The following FAM76B variants were observed in gnomAD, a reference collection of about 807,000 sequenced individuals.
The protein encoded by FAM76B is protein FAM76B.
FAM76B carries 16 observed loss-of-function variants against 51.8 expected under a neutral mutation model. The observed-to-expected ratio is 0.31, with a 90% CI of 0.21 to 0.47. The LOEUF (loss-of-function observed/expected upper bound fraction) is 0.47. Ranked by LOEUF, FAM76B falls within the 20% of genes least tolerant of loss-of-function variation. FAM76B has a pLI of 1.00. For missense variants in FAM76B, 342 were observed against 392.6 expected, an observed-to-expected ratio of 0.87 and a Z score of 1.09; for synonymous variants, 166 against 129.5, an observed-to-expected ratio of 1.28 and a Z score of -1.91.
Position 95,779,823 on chromosome 11 carries a change from T to A in FAM76B, c.611+56A>T, listed in dbSNP as rs912266010. On this transcript the variant is annotated intron_variant, in intron 6 of 9. Coordinates refer to ENST00000358780, the MANE Select transcript of FAM76B (RefSeq NM_144664.5). ...CTTAAGTAACAAAGTTGAAGGGATA[T>A]CACATTTATAAATATACATTTCAAA... 2.6e-6 allele frequency: 4 copies of A among 1,567,084 alleles called. No individual in the cohort carries two copies. In the African/African-American group the frequency reaches 5.5e-5, roughly 22 times the overall value.
chr11:95,772,571 G>A lies in FAM76B; in HGVS notation c.931-921C>T, dbSNP rs902817465. 2.0e-5 allele frequency among the ~76,000 whole-genome samples: 3 copies of A among 151,104 alleles called. No individual in the cohort carries two copies. In the South Asian group the frequency reaches 6.2e-4, roughly 31 times the overall value. Reference sequence around the variant, plus strand: ...CAAAATGGGGAAAGTGATGAAAATAGAGCACTGCCCTAAAATTAACACATT... The same window carrying A: ...CAAAATGGGGAAAGTGATGAAAATAAAGCACTGCCCTAAAATTAACACATT... On this transcript the variant is annotated intron_variant, in intron 9 of 9. Coordinates refer to ENST00000358780, the MANE Select transcript of FAM76B (RefSeq NM_144664.5).
chr11:95,776,520 G>A (rs1860015161), intron 8 of FAM76B, among the ~76,000 whole-genome samples: 1 of 151,300 alleles, frequency 6.6e-6, no homozygotes, highest in South Asian at 2.1e-4. Context: ...TTTAATTTAT[G>A]TCCAGGATTA....
intron 1 of FAM76B, 33 bp downstream of exon 1, chr11:95,789,359 A>T (rs1860846827): frequency 6.4e-7 from 1 of 1,562,508 alleles, no homozygotes; most frequent in Non-Finnish European, 8.7e-7. Flanking sequence ...GGCCGAGGAC[A>T]CCCATCCCGC....
intron 4 of FAM76B, 87 bp downstream of exon 4, chr11:95,786,032 G>A: frequency 6.7e-7 from 1 of 1,484,156 alleles, no homozygotes; most frequent in South Asian, 1.3e-5. Flanking sequence ...AATAGATCCA[G>A]TCTCAGTAGT....
chr11:95,785,227 C>T (rs1385959959), intron 4 of FAM76B, among the ~76,000 whole-genome samples: 1 of 152,170 alleles, frequency 6.6e-6, no homozygotes, highest in African/African-American at 2.4e-5. Flanking sequence ...ATCATAGGCA[C>T]GTATGTACAG....
intron 4 of FAM76B, among the ~76,000 whole-genome samples, chr11:95,784,729 A>G (rs1349875169): frequency 1.3e-5 from 2 of 151,890 alleles, no homozygotes; most frequent in Non-Finnish European, 2.9e-5. Flanking sequence ...CTGGGACTAT[A>G]GGTGCCTGCC....
chr11:95,774,211 T>C (rs1859896282), intron 9 of FAM76B, among the ~76,000 whole-genome samples: 1 of 151,344 alleles, frequency 6.6e-6, no homozygotes, highest in Admixed American at 6.6e-5. Flanking sequence ...AAGACAGAGA[T>C]TTCTACGTCA....
At chr11:95,788,830 T>G in intron 1 of FAM76B, 1 of 1,442,370 alleles carries the variant, frequency 6.9e-7, no homozygotes. Flanking sequence ...AAGGATTGGT[T>G]AAATGTGAAA....
intron 2 of FAM76B, among the ~76,000 whole-genome samples, chr11:95,788,060 GCTA>G (rs555290099): frequency 6.6e-6 from 1 of 152,062 alleles, no homozygotes; most frequent in Non-Finnish European, 1.5e-5. Flanking sequence ...CTTTTCTGAG[GCTA>G]CTTTCTGTAT....
Position 95,770,885 on chromosome 11 carries a change from C to T in FAM76B, c.*676G>A. 1 of 151,690 alleles carries T rather than the reference C, an allele frequency of 6.6e-6. No individual in the cohort carries two copies. The highest frequency in any genetic ancestry group is 1.9e-4 in the East Asian group (1 of 5,176). 9.4% of individuals were successfully genotyped at this position (151,690 alleles called of 1,614,324 possible). On this transcript the variant is annotated 3_prime_UTR_variant, in exon 10 of 10. Transcript: ENST00000358780. The stretch of plus-strand genomic sequence containing the variant: ...AAAAACATTAGGTGGCAAAAAGGCA[C>T]TTGTAAGTAAAAATCTACAGTAGTT...
At chr11:95,785,948 T>C (rs756492893) in intron 4 of FAM76B, among the ~76,000 whole-genome samples, 171 bp downstream of exon 4, 1 of 152,226 alleles carries the variant, frequency 6.6e-6, no homozygotes, top group Non-Finnish European at 1.5e-5. Context: ...CATGAATCTA[T>C]GTATCATGCA....
intron 7 of FAM76B, chr11:95,779,238 A>G: frequency 9.9e-7 from 1 of 1,009,862 alleles, no homozygotes; most frequent in Non-Finnish European, 1.4e-6. Context: ...CTTTTGGCTA[A>G]TGAACTAAAA....
rs751922846 is a variant in FAM76B, at chr11:95,789,380, G to T, written c.87+12C>A. The T allele has an allele frequency of 6.3e-7, 1 of 1,586,604 alleles. No homozygotes were observed. The highest frequency in any genetic ancestry group is 1.1e-5 in the South Asian group (1 of 87,078). On this transcript the variant is annotated intron_variant, in intron 1 of 9. Transcript: ENST00000358780. ...GGACACCCATCCCGCCCGCCTCCCG[G>T]AGCCCACGGACCTTGCAGAGCTGCT...
intron 3 of FAM76B, among the ~76,000 whole-genome samples, chr11:95,787,244 T>C (rs1025192122): frequency 6.6e-6 from 1 of 152,240 alleles, no homozygotes; most frequent in Non-Finnish European, 1.5e-5. Flanking sequence ...CAGTAGTTTT[T>C]TTTTTTCGAG....
rs61749525 is a variant in FAM76B at position 95,783,144 on chromosome 11, T to G, written c.484A>C (p.Thr162Pro). 3.3e-5 allele frequency: 53 copies of G among 1,613,142 alleles called. 1 individual carries two copies. In the African/African-American group the frequency reaches 5.7e-4, roughly 17 times the overall value. ...SHSNSSSSSLTEKDQHHPKHH... is the reference protein window; with the variant it reads ...SHSNSSSSSLPEKDQHHPKHH... ...TTTGGATGATGCTGGTCTTTCTCAG[T>G]AAGAGATGAAGAAGATGAATTTGAA... The change falls in exon 5 of 10, where the codon ACT (threonine) becomes CCT (proline). Residue 162 changes from threonine (T) to proline (P), a missense_variant. Transcript: ENST00000358780.
At position 95,769,335 on chromosome 11, in the gene FAM76B, A is replaced by T. The variant is rs1446488375; in HGVS notation, c.*2226T>A. The T allele has an allele frequency of 6.6e-6, 1 of 152,256 alleles. No homozygotes were observed. Among genetic ancestry groups the T allele is most frequent in the Non-Finnish European group, 1.5e-5 (1 of 67,830 alleles). 9.4% of individuals were successfully genotyped at this position (152,256 alleles called of 1,614,324 possible). Reference sequence around the variant, plus strand: ...TACTAATTTATACAATTGCAAAAAAATTTAAGTTATAAAATAAGGTCATGG... The same window carrying T: ...TACTAATTTATACAATTGCAAAAAATTTTAAGTTATAAAATAAGGTCATGG... On this transcript the variant is annotated 3_prime_UTR_variant, in exon 10 of 10. Transcript: ENST00000358780.
intron 2 of FAM76B, among the ~76,000 whole-genome samples, chr11:95,787,891 T>C (rs1024167571): frequency 2.6e-5 from 4 of 152,240 alleles, no homozygotes; most frequent in Non-Finnish European, 5.9e-5. Flanking sequence ...TATTACTTTT[T>C]GTAAACAAAA....
Position 95,783,091 on chromosome 11 carries a change from G to A in FAM76B, c.537C>T (p.His179=). ...PKHHHHHHHH[H]HRHSSSHHKI... Reference sequence around the variant, plus strand: ...TGTGATGGCTACTGCTGTGACGATGGTGATGGTGATGATGGTGGTGATGAT... The same window carrying A: ...TGTGATGGCTACTGCTGTGACGATGATGATGGTGATGATGGTGGTGATGAT... The change falls in exon 5 of 10, where the codon CAC becomes CAT. Residue 179 remains histidine (H), a synonymous_variant. Transcript: ENST00000358780. The A allele has an allele frequency of 6.2e-7, 1 of 1,613,822 alleles. No homozygotes were observed. Among genetic ancestry groups the A allele is most frequent in the Non-Finnish European group, 8.5e-7 (1 of 1,179,786 alleles).
intron 8 of FAM76B, among the ~76,000 whole-genome samples, chr11:95,777,959 T>C (rs1410207860): frequency 6.6e-6 from 1 of 151,486 alleles, no homozygotes; most frequent in Non-Finnish European, 1.5e-5. Flanking sequence ...ATAGCCCCTA[T>C]GGGCACTTAT....
Sources: gnomAD v4.1 joint callset for allele counts (sites outside exome capture counted in the v4.1 genomes callset) on GRCh38, gnomAD v4.1.1 for gene constraint, MANE v1.5 for transcripts, NCBI Gene and HGNC (gene_info 2026-07-23, HGNC 2026-07-21) for gene names.